Variants in RAD52 observed in about 807,000 individuals in gnomAD.
RAD52 encodes the protein RAD52 DNA repair protein.
Under a neutral mutation model 55.5 loss-of-function variants are expected in RAD52, and 47 were observed. The ratio of observed to expected loss-of-function variants is 0.85; its 90% confidence interval spans 0.67 to 1.08. RAD52 has a LOEUF of 1.08. RAD52 is among the 50% of genes least tolerant of loss of function. RAD52 has a pLI of 0.00. For missense variants in RAD52, 468 were observed against 522.8 expected (o/e 0.90, Z 1.02); for synonymous variants, 184 against 198.9 (o/e 0.92, Z 0.63).
intron 1 of RAD52, among the ~76,000 whole-genome samples, chr12:964,179 T>C (rs1266182887): frequency 6.6e-6 from 1 of 152,158 alleles, no homozygotes; most frequent in African/African-American, 2.4e-5. Flanking sequence ...CTGAGGGGTT[T>C]TGAGCAGAAG....
intron 1 of RAD52, chr12:974,158 T>C (rs1181319121): frequency 6.6e-6 from 1 of 152,116 alleles, no homozygotes; most frequent in Non-Finnish European, 1.5e-5. Flanking sequence ...CAGAAGTTTA[T>C]TTTTGAACAC....
chr12:931,152 G>C lies in RAD52; in HGVS notation c.186+68C>G, dbSNP rs1342212178. The C allele has an allele frequency of 3.9e-6, 5 of 1,293,216 alleles. No individual in the cohort carries two copies. The African/African-American group carries it at 5.9e-5, about 15-fold the overall frequency. 80.1% of individuals were successfully genotyped at this position (1,293,216 alleles called of 1,614,324 possible). A position where few individuals can be genotyped will look rare whatever the true frequency, so the allele number is the denominator to read the frequency against. ...TTCCGAATCCCTGAGGACCCAGAGA[G>C]GGAACTGGCAAGACCATCGGAGTCT... is the stretch of plus-strand genomic sequence containing the variant. On this transcript the variant is annotated intron_variant, in intron 3 of 11. Transcript: ENST00000358495.
chr12:965,895 A>T (rs868386910), intron 1 of RAD52, among the ~76,000 whole-genome samples: 41 of 152,152 alleles, frequency 2.7e-4, no homozygotes, highest in South Asian at 2.1e-3. Flanking sequence ...CCTGTTGGCC[A>T]GGCTGATCTC....
intron 1 of RAD52, among the ~76,000 whole-genome samples, chr12:959,951 C>A (rs1958660898): frequency 6.6e-6 from 1 of 152,044 alleles, no homozygotes; most frequent in African/African-American, 2.4e-5. Context: ...CTGGGCACAG[C>A]AAATACAAAG....
chr12:957,616 TC>T (rs1958626223), intron 1 of RAD52, among the ~76,000 whole-genome samples: 1 of 151,740 alleles, frequency 6.6e-6, no homozygotes, highest in Non-Finnish European at 1.5e-5. Flanking sequence ...TGAGAACCCA[TC>T]TCTGCTAAAA....
chr12:912,812 G>C lies in RAD52; in HGVS notation c.*579C>G, dbSNP rs1956170438. The C allele has an allele frequency of 5.6e-6, 1 of 177,702 alleles. No homozygotes were observed. Among genetic ancestry groups the C allele is most frequent in the Admixed American group, 6.5e-5 (1 of 15,352 alleles). The allele number at this position is 177,702 out of a possible 1,614,324, so 11.0% of individuals were successfully genotyped here. ...TTCCTTAGGAAAAAATGTCAGTCTT[G>C]AAACAATGCAGGATTGTAATGTCAT... On this transcript the variant is annotated 3_prime_UTR_variant, in exon 12 of 12. Coordinates refer to ENST00000358495, the MANE Select transcript of RAD52 (RefSeq NM_134424.4).
chr12:929,789 C>T (rs373325193), intron 5 of RAD52, 30 bp downstream of exon 5: 20 of 1,595,158 alleles, frequency 1.3e-5, no homozygotes, highest in African/African-American at 2.7e-5. Context: ...ACTGATCCTT[C>T]CGGGCAGCAG....
intron 1 of RAD52, among the ~76,000 whole-genome samples, chr12:978,825 T>G (rs1347286851): frequency 6.6e-6 from 1 of 151,396 alleles, no homozygotes; most frequent in Non-Finnish European, 1.5e-5. Flanking sequence ...TGAGCTGAGA[T>G]TGCACCACTG....
In RAD52 at chr12:939,076, GTGTGTGTGT is replaced by G. The variant is rs1480396764; in HGVS notation, c.-18-6009_-18-6001del. Among the ~76,000 whole-genome samples the G allele has an allele frequency of 1.1e-3, 138 of 124,924 alleles. 1 individual carries two copies. Among genetic ancestry groups the G allele is most frequent in the African/African-American group, 3.9e-3 (132 of 34,118 alleles). The allele number at this position is 124,924 out of a possible 152,430, so 82.0% of individuals were successfully genotyped here. A position where few individuals can be genotyped will look rare whatever the true frequency, so the allele number is the denominator to read the frequency against. On this transcript the variant is annotated intron_variant, in intron 1 of 11. Transcript: ENST00000358495. ...ATTGTGTGTGTGTGTGTGTGTGTGTGTGTGTGTGTAGAGAGAGAGAAAAAGGCAAGTAGA... is the reference window on the plus strand; with the variant it reads ...ATTGTGTGTGTGTGTGTGTGTGTGTGAGAGAGAGAGAAAAAGGCAAGTAGA...
chr12:930,200 A>G, intron 3 of RAD52, 56 bp from the exon 4 acceptor site: 4 of 1,309,936 alleles, frequency 3.1e-6, no homozygotes, highest in Non-Finnish European at 4.3e-6. Context: ...CCACACTTAA[A>G]TGTGAATCAA....
intron 1 of RAD52, among the ~76,000 whole-genome samples, chr12:982,942 C>T (rs1301135337): frequency 1.1e-4 from 16 of 152,208 alleles, no homozygotes; most frequent in Admixed American, 3.9e-4. Flanking sequence ...CTCCACCTCC[C>T]GGGTTCAAGC....
intron 7 of RAD52, among the ~76,000 whole-genome samples, chr12:919,307 A>G (rs1424379363): frequency 1.3e-5 from 2 of 152,118 alleles, no homozygotes; most frequent in African/African-American, 4.8e-5. Flanking sequence ...TTAGCCGGGC[A>G]TGGTGGCGGG....
chr12:976,687 G>A (rs1418056611), intron 1 of RAD52: 1 of 152,178 alleles, frequency 6.6e-6, no homozygotes, highest in Non-Finnish European at 1.5e-5. Flanking sequence ...GAACAGAAGA[G>A]TTGCCCAGAT....
intron 6 of RAD52, among the ~76,000 whole-genome samples, chr12:925,753 GAGA>G (rs1468049018): frequency 3.3e-5 from 5 of 152,166 alleles, no homozygotes; most frequent in East Asian, 1.9e-4. Flanking sequence ...TGCCCTCACA[GAGA>G]AGATGAGTAT....
chr12:956,371 A>T (rs1452171719), intron 1 of RAD52, among the ~76,000 whole-genome samples: 1 of 152,222 alleles, frequency 6.6e-6, no homozygotes. Context: ...CATTTTTAAC[A>T]AGGGGCCCTG....
chr12:989,151 T>C (rs902952758), intron 1 of RAD52, among the ~76,000 whole-genome samples: 4 of 152,322 alleles, frequency 2.6e-5, no homozygotes, highest in Admixed American at 2.6e-4. Flanking sequence ...CTCTTCCTTA[T>C]ATAGACCTTT....
intron 1 of RAD52, among the ~76,000 whole-genome samples, chr12:970,888 T>C (rs1193393034): frequency 7.4e-6 from 1 of 135,956 alleles, no homozygotes. Context: ...TTGAACCAAA[T>C]ACATATATTT....
rs984891328 is a variant in RAD52 at position 925,472 on chromosome 12, G to A, written c.521C>T (p.Ser174Leu). The A allele has an allele frequency of 6.2e-7, 1 of 1,613,822 alleles. No individual in the cohort carries two copies. The highest frequency in any genetic ancestry group is 1.7e-5 in the Admixed American group (1 of 60,000). The change falls in exon 7 of 12, where the codon TCA (serine) becomes TTA (leucine). Residue 174 changes from serine (S) to leucine (L), a missense_variant. Ser to Leu is a moderately radical substitution (Grantham distance 145). Transcript: ENST00000358495. Reference protein sequence around the residue: ...NCILDKDYLRSLNKLPRQLPL... With the variant: ...NCILDKDYLRLLNKLPRQLPL... ...TACCTGGCGTGGAAGCTTATTTAGTGATCTCAGGTAGTCTTTGTCCAGAAT... is the reference window on the plus strand; with the variant it reads ...TACCTGGCGTGGAAGCTTATTTAGTAATCTCAGGTAGTCTTTGTCCAGAAT...
At chr12:990,144 A>T (rs1438597711), upstream of RAD52, 1 of 152,230 alleles carries the variant, frequency 6.6e-6, no homozygotes, top group Non-Finnish European at 1.5e-5. Flanking sequence ...TAATGGGATT[A>T]TGAGGCAGTA....
Sources: allele counts gnomAD v4.1 joint callset (sites outside exome capture counted in the v4.1 genomes callset), GRCh38; gene constraint gnomAD v4.1.1; transcripts MANE v1.5; gene names NCBI Gene and HGNC (gene_info 2026-07-23, HGNC 2026-07-21).